The following HSD17B2 variants were observed in gnomAD, a reference collection of about 807,000 sequenced individuals.
HSD17B2 encodes the protein hydroxysteroid 17-beta dehydrogenase 2.
Under a neutral mutation model 26.9 loss-of-function variants are expected in HSD17B2, and 32 were observed. The ratio of observed to expected loss-of-function variants is 1.19; its 90% CI spans 0.90 to 1.60. The LOEUF (loss-of-function observed/expected upper bound fraction) is 1.60, where lower values mean the gene tolerates loss of function less well. Among genes scored for constraint, HSD17B2 ranks in the 40% most tolerant of loss-of-function variants. HSD17B2 has a pLI of 0.00. For missense variants in HSD17B2, 613 were observed against 468.6 expected, an observed-to-expected ratio of 1.31 and a Z score of -2.85; for synonymous variants, 246 against 186.7, an observed-to-expected ratio of 1.32 and a Z score of -2.59.
In HSD17B2 at chr16:82,098,143, G is replaced by A. The variant is rs1241957217; in HGVS notation, c.871G>A (p.Val291Ile). The change falls in exon 5 of 5, where the codon GTA becomes ATA. Residue 291 changes from valine to isoleucine, a missense_variant. Physicochemically the swap from Val to Ile is conservative, Grantham distance 29 (BLOSUM62 3). Transcript: ENST00000199936. ...KDILDHLPAE[V>I]QEDYGQDYIL... ...CATTCTGGACCACCTCCCCGCTGAGGTACAGGAAGACTACGGCCAGGACTA... is the reference window on the plus strand; with the variant it reads ...CATTCTGGACCACCTCCCCGCTGAGATACAGGAAGACTACGGCCAGGACTA... 1.2e-6 allele frequency: 2 copies of A among 1,614,044 alleles called. No homozygotes were observed. Among genetic ancestry groups the A allele is most frequent in the Non-Finnish European group, 1.7e-6 (2 of 1,179,994 alleles).
chr16:82,095,813 A>C (rs529931831), intron 4 of HSD17B2: 1 of 152,374 alleles, frequency 6.6e-6, no homozygotes, highest in South Asian at 2.1e-4. Context: ...TGGAAAATAT[A>C]AACACCATAG....
intron 1 of HSD17B2, among the ~76,000 whole-genome samples, chr16:82,060,072 A>G (rs1344282110): frequency 1.3e-5 from 2 of 152,238 alleles, no homozygotes; most frequent in African/African-American, 4.8e-5. Flanking sequence ...ACCTCAGGGC[A>G]GTCCTAAGTA....
chr16:82,077,880 T>G (rs1365271479), intron 3 of HSD17B2, among the ~76,000 whole-genome samples: 2 of 152,064 alleles, frequency 1.3e-5, no homozygotes, highest in Non-Finnish European at 2.9e-5. Flanking sequence ...TCTTACCATA[T>G]AAAAAAATCA....
chr16:82,094,261 C>T (rs566694904), intron 4 of HSD17B2: 1 of 152,314 alleles, frequency 6.6e-6, no homozygotes, highest in African/African-American at 2.4e-5. Flanking sequence ...GTTCAAATGC[C>T]TCTGAAAGAA....
intron 3 of HSD17B2, among the ~76,000 whole-genome samples, chr16:82,076,705 G>A (rs753252496): frequency 2.0e-5 from 3 of 152,174 alleles, no homozygotes; most frequent in Non-Finnish European, 4.4e-5. Context: ...ATCCCGAGTA[G>A]CTGGGACTAC....
At chr16:82,056,411 A>G (rs1008971523) in intron 1 of HSD17B2, 1 of 152,210 alleles carries the variant, frequency 6.6e-6, no homozygotes, top group African/African-American at 2.4e-5. Flanking sequence ...TTAACAAAAA[A>G]TTTCTATTAA....
At chr16:82,077,766 A>G in intron 3 of HSD17B2, among the ~76,000 whole-genome samples, 1 of 151,914 alleles carries the variant, frequency 6.6e-6, no homozygotes, top group East Asian at 1.9e-4. Context: ...AAGAAAAGAA[A>G]GAAAGAAAGG....
intron 4 of HSD17B2, chr16:82,095,574 A>C (rs1448121765): frequency 6.6e-6 from 1 of 152,214 alleles, no homozygotes; most frequent in East Asian, 1.9e-4. Flanking sequence ...TACTTTGAGG[A>C]CTCTTGCCTA....
At position 82,098,181 on chromosome 16, in the gene HSD17B2, G is replaced by A. The variant is rs770327955; in HGVS notation, c.909G>A (p.Gln303=). ...EDYGQDYILA[Q]RNFLLLINSL... is the part of the protein sequence containing the mutation. Reference sequence around the variant, plus strand: ...ACGGCCAGGACTACATCTTAGCACAGCGGAATTTCCTCCTATTGATCAACT... The same window carrying A: ...ACGGCCAGGACTACATCTTAGCACAACGGAATTTCCTCCTATTGATCAACT... The change falls in exon 5 of 5, where the codon CAG becomes CAA. Residue 303 remains glutamine, a synonymous_variant. Coordinates refer to ENST00000199936, the MANE Select transcript of HSD17B2 (RefSeq NM_002153.3). 2.5e-6 allele frequency: 4 copies of A among 1,614,122 alleles called. 1 individual carries two copies. The South Asian group carries it at 4.4e-5, about 18-fold the overall frequency.
chr16:82,043,007 C>T (rs1913809367), intron 1 of HSD17B2, among the ~76,000 whole-genome samples: 1 of 152,242 alleles, frequency 6.6e-6, no homozygotes, highest in Non-Finnish European at 1.5e-5. Context: ...GCTCTGGTTC[C>T]TGCAGAGAGG....
intron 1 of HSD17B2, among the ~76,000 whole-genome samples, chr16:82,042,918 GTC>G (rs1477936935): frequency 6.6e-6 from 1 of 152,230 alleles, no homozygotes; most frequent in African/African-American, 2.4e-5. Flanking sequence ...ACTGCATCTG[GTC>G]TCTTTCTTAT....
Position 82,091,008 on chromosome 16 carries a change from T to C in HSD17B2, c.771T>C (p.Val257=). ...RLELSKWGIK[V]ASIQPGGFLT... Reference sequence around the variant, plus strand: ...AGCTTTCCAAGTGGGGAATTAAAGTTGCTTCCATCCAACCTGGAGGCTTCC... The same window carrying C: ...AGCTTTCCAAGTGGGGAATTAAAGTCGCTTCCATCCAACCTGGAGGCTTCC... The change falls in exon 4 of 5, where the codon GTT becomes GTC. Residue 257 remains valine (V), a synonymous_variant. Coordinates refer to ENST00000199936, the MANE Select transcript of HSD17B2 (RefSeq NM_002153.3). 1 of 1,614,058 alleles carries C rather than the reference T, an allele frequency of 6.2e-7. No individual in the cohort carries two copies. Among genetic ancestry groups the C allele is most frequent in the East Asian group, 2.2e-5 (1 of 44,878 alleles).
At chr16:82,043,636 A>G (rs1262307596) in intron 1 of HSD17B2, among the ~76,000 whole-genome samples, 1 of 112,464 alleles carries the variant, frequency 8.9e-6, no homozygotes, top group Non-Finnish European at 1.5e-5. Flanking sequence ...GTGAGTCGAG[A>G]TCGCGCCACT....
intron 1 of HSD17B2, among the ~76,000 whole-genome samples, chr16:82,036,617 C>T (rs952594901): frequency 2.0e-5 from 3 of 152,074 alleles, no homozygotes; most frequent in African/African-American, 7.2e-5. Flanking sequence ...TGGGGCTTGA[C>T]AATTTGCAGA....
chr16:82,073,916 A>G lies in HSD17B2; in HGVS notation c.664+2789A>G, dbSNP rs924093499. On this transcript the variant is annotated intron_variant, in intron 3 of 4. Transcript: ENST00000199936. ...CAAGGCACCACTAATCAAAAAGAACAAAGCTGGAGGCATCACACTACCTGA... is the reference window on the plus strand; with the variant it reads ...CAAGGCACCACTAATCAAAAAGAACGAAGCTGGAGGCATCACACTACCTGA... Among the ~76,000 whole-genome samples the G allele has an allele frequency of 1.8e-4, 27 of 152,242 alleles. 1 individual carries two copies. Among genetic ancestry groups the G allele is most frequent in the Non-Finnish European group, 4.4e-5 (3 of 68,044 alleles).
intron 1 of HSD17B2, among the ~76,000 whole-genome samples, chr16:82,065,660 C>G (rs775895888): frequency 6.6e-6 from 1 of 152,210 alleles, no homozygotes; most frequent in Non-Finnish European, 1.5e-5. Flanking sequence ...CAGGTTAATT[C>G]ATACCCTTTC....
chr16:82,055,833 G>C (rs939835077), intron 1 of HSD17B2, among the ~76,000 whole-genome samples: 1 of 152,194 alleles, frequency 6.6e-6, no homozygotes, highest in African/African-American at 2.4e-5. Context: ...GCTCTGGTGT[G>C]AGTGAGGGTG....
intron 1 of HSD17B2, among the ~76,000 whole-genome samples, chr16:82,053,231 G>A (rs867644952): frequency 5.9e-5 from 9 of 152,192 alleles, no homozygotes; most frequent in African/African-American, 2.2e-4. Context: ...AGGAGCCCAC[G>A]TACATCAGGG....
chr16:82,080,396 G>A (rs1016519253), intron 3 of HSD17B2, among the ~76,000 whole-genome samples: 5 of 152,124 alleles, frequency 3.3e-5, no homozygotes, highest in Admixed American at 3.3e-4. Context: ...AGGCATGAGG[G>A]TCAGAGTCAG....
Sources: allele counts gnomAD v4.1 joint callset (sites outside exome capture counted in the v4.1 genomes callset), GRCh38; gene constraint gnomAD v4.1.1; transcripts MANE v1.5; gene names NCBI Gene and HGNC (gene_info 2026-07-23, HGNC 2026-07-21).